Variants in CALD1 observed in about 807,000 individuals in gnomAD.
CALD1 encodes the protein caldesmon 1.
A neutral mutation model predicts 99.9 loss-of-function variants in CALD1; 33 were observed. The ratio of observed to expected loss-of-function variants is 0.33; its 90% confidence interval spans 0.25 to 0.44. The LOEUF (loss-of-function observed/expected upper bound fraction) is 0.44. CALD1 is among the 20% of genes least tolerant of loss of function. The pLI, the probability that CALD1 is intolerant of heterozygous loss-of-function variation, is 1.00. For missense variants in CALD1, 861 were observed against 962.1 expected (o/e 0.89, Z 1.39); for synonymous variants, 310 against 325.0 (o/e 0.95, Z 0.50).
the CALD1 span, among the ~76,000 whole-genome samples, chr7:134,724,105 A>G: frequency 6.6e-6 from 1 of 152,246 alleles, no homozygotes. Flanking sequence ...TTTGCTGCCC[A>G]GAGGGATTCC....
upstream of CALD1, among the ~76,000 whole-genome samples, chr7:134,775,721 A>C (rs1189105335): frequency 1.3e-5 from 2 of 152,160 alleles, no homozygotes; most frequent in African/African-American, 4.8e-5. Flanking sequence ...AAAAAAAAAA[A>C]AAAGAAAAGA....
chr7:134,907,070 C>T (rs1234594524), intron 3 of CALD1, among the ~76,000 whole-genome samples: 1 of 152,098 alleles, frequency 6.6e-6, no homozygotes, highest in East Asian at 1.9e-4. Context: ...CAAATTAGAT[C>T]GCATATACAT....
intron 3 of CALD1, among the ~76,000 whole-genome samples, chr7:134,901,167 GT>G (rs74735841): frequency 4.2e-3 from 586 of 139,130 alleles, no homozygotes; most frequent in Middle Eastern, 7.1e-3. Flanking sequence ...GAGAAGTAGG[GT>G]TTTTTTTTTT....
intron 1 of CALD1, among the ~76,000 whole-genome samples, chr7:134,765,055 G>A (rs781163217): frequency 4.6e-5 from 7 of 152,172 alleles, no homozygotes; most frequent in South Asian, 2.1e-4. Flanking sequence ...GGTGGCTCAC[G>A]CCTCTGATCC....
intron 2 of CALD1, among the ~76,000 whole-genome samples, chr7:134,847,187 A>G (rs1435221799): frequency 6.6e-6 from 1 of 152,206 alleles, no homozygotes; most frequent in Admixed American, 6.5e-5. Flanking sequence ...GTATTTTTGA[A>G]GTCAGTCGAA....
chr7:134,927,840 A>C (rs1805152236), intron 3 of CALD1, among the ~76,000 whole-genome samples: 13 of 149,558 alleles, frequency 8.7e-5, no homozygotes, highest in Admixed American at 8.0e-4. Flanking sequence ...GGAAAAACAA[A>C]ATCCAAGCAA....
At chr7:134,802,373 T>C (rs1310319917) in intron 1 of CALD1, among the ~76,000 whole-genome samples, 1 of 152,008 alleles carries the variant, frequency 6.6e-6, no homozygotes, top group African/African-American at 2.4e-5. Context: ...AATGTTTTTA[T>C]GATTCATCCA....
At chr7:134,759,312 A>C (rs1359650392) in intron 1 of CALD1, among the ~76,000 whole-genome samples, 3 of 152,210 alleles carry the variant, frequency 2.0e-5, no homozygotes, top group African/African-American at 7.2e-5. Context: ...GAGACTGAAA[A>C]GTCACAAGGT....
chr7:134,930,714 A>G (rs758389305), intron 4 of CALD1, among the ~76,000 whole-genome samples: 8 of 152,218 alleles, frequency 5.3e-5, no homozygotes, highest in Non-Finnish European at 8.8e-5. Flanking sequence ...CTTCAGTTAA[A>G]TGGAAATAAA....
chr7:134,884,794 A>G (rs1267084271), intron 3 of CALD1, among the ~76,000 whole-genome samples: 3 of 152,224 alleles, frequency 2.0e-5, no homozygotes, highest in African/African-American at 7.2e-5. Context: ...CCTAGGCTGT[A>G]TCAGGTGCAA....
chr7:134,793,956 T>C (rs1412891795), intron 1 of CALD1, among the ~76,000 whole-genome samples: 2 of 152,206 alleles, frequency 1.3e-5, no homozygotes, highest in African/African-American at 4.8e-5. Context: ...CTCTCTATCT[T>C]GTCTCACCAC....
intron 3 of CALD1, among the ~76,000 whole-genome samples, chr7:134,868,982 GTAGTTTTTCATAAATGA>G (rs1368740160): frequency 2.1e-4 from 32 of 152,314 alleles, no homozygotes; most frequent in Admixed American, 8.5e-4. Context: ...CTAGCACATA[GTAGTTTTTCATAAATGA>G]TAGTTTTTCA....
chr7:134,862,808 G>T (rs1321031394), intron 2 of CALD1, among the ~76,000 whole-genome samples: 1 of 152,084 alleles, frequency 6.6e-6, no homozygotes, highest in Non-Finnish European at 1.5e-5. Flanking sequence ...AGTTTCCTAG[G>T]GCTGCCATAA....
At chr7:134,815,905 G>T (rs1586013807) in intron 1 of CALD1, among the ~76,000 whole-genome samples, 1 of 152,020 alleles carries the variant, frequency 6.6e-6, no homozygotes, top group African/African-American at 2.4e-5. Flanking sequence ...TCCTCGAACT[G>T]GCATATATCC....
intron 3 of CALD1, among the ~76,000 whole-genome samples, chr7:134,897,901 G>T (rs1279204870): frequency 6.6e-6 from 1 of 151,840 alleles, no homozygotes; most frequent in African/African-American, 2.4e-5. Context: ...TAGAGATGGG[G>T]TCTCGCTGTA....
At chr7:134,927,865 TC>T (rs1430747627) in intron 3 of CALD1, among the ~76,000 whole-genome samples, 2 of 148,696 alleles carry the variant, frequency 1.3e-5, no homozygotes, top group Admixed American at 6.7e-5. Context: ...GATATCCTAC[TC>T]CCAATTTTAA....
intron 5 of CALD1, among the ~76,000 whole-genome samples, chr7:134,934,516 T>C (rs1229231885): frequency 1.3e-5 from 2 of 152,008 alleles, no homozygotes; most frequent in Non-Finnish European, 2.9e-5. Flanking sequence ...GGGTTTGACG[T>C]TGAATTAAAA....
intron 3 of CALD1, among the ~76,000 whole-genome samples, chr7:134,895,410 A>T (rs1392046224): frequency 6.6e-6 from 1 of 151,776 alleles, no homozygotes; most frequent in Non-Finnish European, 1.5e-5. Context: ...AACATTTTCA[A>T]ATTGCTAGGA....
chr7:134,821,558 G>T (rs1823775), intron 1 of CALD1, among the ~76,000 whole-genome samples: 150,316 of 150,462 alleles, frequency 1, 75,085 homozygotes, highest in East Asian at 1. Flanking sequence ...CTTTTTTGGG[G>T]TTAACTTTTT....
Sources: gnomAD v4.1 joint callset for allele counts (sites outside exome capture counted in the v4.1 genomes callset) on GRCh38, gnomAD v4.1.1 for gene constraint, MANE v1.5 for transcripts, NCBI Gene and HGNC (gene_info 2026-07-23, HGNC 2026-07-21) for gene names.